Variants in AP3B1 observed in about 807,000 individuals in gnomAD.
AP3B1 encodes adaptor related protein complex 3 subunit beta 1.
In AP3B1, 61 loss-of-function variants were observed where a neutral mutation model predicts 132.5. The observed-to-expected ratio is 0.46, with a 90% CI of 0.37 to 0.57. AP3B1 has a LOEUF of 0.57. Ranked by LOEUF, AP3B1 falls within the 20% of genes least tolerant of loss-of-function variation. The probability of loss-of-function intolerance (pLI) is 0.00; values close to 1 mark genes in which losing one functional copy is unlikely to be tolerated. For missense variants in AP3B1, 1,120 were observed against 1,289.4 expected (o/e 0.87, Z 2.01); for synonymous variants, 388 against 438.3 (o/e 0.89, Z 1.43).
chr5:78,282,854 A>T (rs1749117440), intron 1 of AP3B1, among the ~76,000 whole-genome samples: 1 of 90,878 alleles, frequency 1.1e-5, no homozygotes, highest in Non-Finnish European at 2.5e-5. Flanking sequence ...CTACCAAAAA[A>T]AAAAAAAAAA....
chr5:78,006,350 A>C (rs1358802772), intron 26 of AP3B1, among the ~76,000 whole-genome samples: 2 of 152,206 alleles, frequency 1.3e-5, no homozygotes, highest in Non-Finnish European at 2.9e-5. Flanking sequence ...CAACAGATAA[A>C]GTTTTTCCCA....
chr5:78,136,601 G>A (rs1009192971), intron 15 of AP3B1, among the ~76,000 whole-genome samples: 16 of 152,134 alleles, frequency 1.1e-4, no homozygotes, highest in South Asian at 2.1e-4. Flanking sequence ...TCTTTCTACC[G>A]CTGAACAAGT....
At chr5:78,097,449 C>T (rs1424251779) in intron 21 of AP3B1, among the ~76,000 whole-genome samples, 17 of 132,036 alleles carry the variant, frequency 1.3e-4, no homozygotes, top group African/African-American at 4.9e-4. Context: ...TGCCCGGCCG[C>T]CCCTACTGGG....
intron 1 of AP3B1, among the ~76,000 whole-genome samples, chr5:78,281,938 C>A (rs1749075694): frequency 6.6e-6 from 1 of 152,042 alleles, no homozygotes; most frequent in Non-Finnish European, 1.5e-5. Context: ...TAAAGTTATT[C>A]AGGTGTATTT....
intron 13 of AP3B1, 151 bp downstream of exon 13, chr5:78,162,668 A>G: frequency 1.3e-6 from 1 of 761,594 alleles, no homozygotes; most frequent in Admixed American, 2.7e-5. Context: ...ATTTATGTGC[A>G]TTCAAGGATA....
chr5:78,094,337 G>A (rs920832158), intron 21 of AP3B1, among the ~76,000 whole-genome samples: 3 of 152,168 alleles, frequency 2.0e-5, no homozygotes, highest in Admixed American at 2.0e-4. Flanking sequence ...CCATGAAAAA[G>A]AGTCATATAA....
intron 22 of AP3B1, among the ~76,000 whole-genome samples, chr5:78,078,269 A>C (rs1749842125): frequency 6.6e-6 from 1 of 152,188 alleles, no homozygotes; most frequent in Non-Finnish European, 1.5e-5. Context: ...TATCCAGATA[A>C]TCATTCCGGT....
chr5:78,106,274 A>G (rs1472938424), intron 20 of AP3B1, among the ~76,000 whole-genome samples: 1 of 151,892 alleles, frequency 6.6e-6, no homozygotes, highest in Non-Finnish European at 1.5e-5. Context: ...CCTGGGCAAC[A>G]TGGAGAAACC....
chr5:78,252,926 C>G (rs1053640228), intron 2 of AP3B1, among the ~76,000 whole-genome samples: 5 of 152,224 alleles, frequency 3.3e-5, no homozygotes, highest in Non-Finnish European at 7.3e-5. Context: ...TTGTGCAAGA[C>G]CCAGTCCTGT....
chr5:78,127,298 C>CT (rs533214476), intron 17 of AP3B1, among the ~76,000 whole-genome samples: 148 of 152,132 alleles, frequency 9.7e-4, no homozygotes, highest in African/African-American at 3.3e-3. Flanking sequence ...TTCTTAACTG[C>CT]TTTTTTTGTT....
intron 2 of AP3B1, 37 bp downstream of exon 2, chr5:78,267,483 T>C: frequency 2.3e-6 from 3 of 1,324,948 alleles, no homozygotes; most frequent in Non-Finnish European, 3.2e-6. Context: ...TGCTTGTCCA[T>C]TTTTCCAAAA....
At chr5:78,078,354 C>T (rs531995747) in intron 22 of AP3B1, among the ~76,000 whole-genome samples, 1 of 152,284 alleles carries the variant, frequency 6.6e-6, no homozygotes, top group South Asian at 2.1e-4. Context: ...ATCTTTCACA[C>T]AACTTTATAA....
chr5:78,059,721 T>C (rs1561380415), intron 22 of AP3B1, among the ~76,000 whole-genome samples: 1 of 152,098 alleles, frequency 6.6e-6, no homozygotes. Flanking sequence ...TTGGTTTTGA[T>C]CTATCTGTAG....
intron 3 of AP3B1, among the ~76,000 whole-genome samples, chr5:78,235,638 A>T (rs1208729512): frequency 6.6e-6 from 1 of 152,234 alleles, no homozygotes; most frequent in Non-Finnish European, 1.5e-5. Flanking sequence ...AAATGGGAGT[A>T]GTTAAAGCTC....
intron 26 of AP3B1, among the ~76,000 whole-genome samples, chr5:78,009,235 G>A (rs753486228): frequency 6.6e-6 from 1 of 150,508 alleles, no homozygotes; most frequent in Non-Finnish European, 1.5e-5. Context: ...TGGGAGGACT[G>A]CTTGAGCCCA....
At chr5:78,202,144 CTCTCT>C (rs1436924731) in intron 7 of AP3B1, among the ~76,000 whole-genome samples, 3 of 152,168 alleles carry the variant, frequency 2.0e-5, no homozygotes, top group African/African-American at 7.2e-5. Context: ...TGCACAAGCT[CTCTCT>C]TCTCTTGTCT....
chr5:78,157,328 C>T (rs1405072066), intron 13 of AP3B1, among the ~76,000 whole-genome samples: 3 of 152,046 alleles, frequency 2.0e-5, no homozygotes, highest in Non-Finnish European at 4.4e-5. Flanking sequence ...ATCCTGACCA[C>T]AGTTTACAAA....
chr5:78,014,792 C>T (rs1746790855), intron 26 of AP3B1, among the ~76,000 whole-genome samples: 1 of 152,120 alleles, frequency 6.6e-6, no homozygotes, highest in Non-Finnish European at 1.5e-5. Flanking sequence ...CATTTAAAGC[C>T]ACTGGAATTC....
At chr5:78,169,079 A>C (rs545967550) in intron 11 of AP3B1, among the ~76,000 whole-genome samples, 3 of 152,030 alleles carry the variant, frequency 2.0e-5, no homozygotes, top group African/African-American at 7.2e-5. Flanking sequence ...TATATGGTAC[A>C]TTTTTGCGTG....
Sources: gnomAD v4.1 joint callset for allele counts (sites outside exome capture counted in the v4.1 genomes callset) on GRCh38, gnomAD v4.1.1 for gene constraint, MANE v1.5 for transcripts, NCBI Gene and HGNC (gene_info 2026-07-23, HGNC 2026-07-21) for gene names.